Variants in PHAF1 observed in about 807,000 individuals in gnomAD.
PHAF1 encodes the protein phagophore assembly factor 1.
A neutral mutation model predicts 63.1 loss-of-function variants in PHAF1; 23 were observed. The observed-to-expected ratio is 0.36, with a 90% confidence interval of 0.26 to 0.52. The LOEUF is 0.52. PHAF1 is among the 20% of genes least tolerant of loss of function. The pLI is 0.93. For missense variants in PHAF1, 427 were observed against 517.2 expected (o/e 0.83, Z 1.69); for synonymous variants, 167 against 185.0 (o/e 0.90, Z 0.79).
At chr16:67,120,226 G>A (rs1442961797) in intron 2 of PHAF1, 32 bp downstream of exon 2, 3 of 1,585,812 alleles carry the variant, frequency 1.9e-6, no homozygotes, top group Non-Finnish European at 2.6e-6. Flanking sequence ...TATTGAAATA[G>A]CATCCCTCGG....
At chr16:67,137,148 CCTT>C (rs1263288244) in intron 8 of PHAF1, among the ~76,000 whole-genome samples, 4 of 151,134 alleles carry the variant, frequency 2.6e-5, no homozygotes, top group South Asian at 2.1e-4. Flanking sequence ...GAGCAAGACT[CCTT>C]CTCAAAAAAA....
At chr16:67,146,620 GACA>G (rs2030106157) in intron 15 of PHAF1, among the ~76,000 whole-genome samples, 1 of 152,228 alleles carries the variant, frequency 6.6e-6, no homozygotes, top group South Asian at 2.1e-4. Context: ...GTTTCTATCT[GACA>G]ACATGATTAT....
Position 67,147,109 on chromosome 16 carries a change from T to C in PHAF1, c.1247T>C (p.Leu416Pro), listed in dbSNP as rs991045600. The change falls in exon 16 of 16, where the codon CTG becomes CCG. Residue 416 changes from leucine (L) to proline (P), a missense_variant. By Grantham distance (98) the Leu-to-Pro change is moderately conservative. Transcript: ENST00000219139. ...LYGPPRPGSH[L>P]RTAELP ...GGCCCCCCCAGGCCTGGTAGCCACCTGAGAACAGCGGAACTCCCCTAGGGA... is the reference window on the plus strand; with the variant it reads ...GGCCCCCCCAGGCCTGGTAGCCACCCGAGAACAGCGGAACTCCCCTAGGGA... The C allele has an allele frequency of 6.2e-7, 1 of 1,613,686 alleles. No individual in the cohort carries two copies.
intron 8 of PHAF1, among the ~76,000 whole-genome samples, chr16:67,139,343 CT>C (rs1164245105): frequency 0.027 from 2,309 of 86,898 alleles, 21 homozygotes; most frequent in African/African-American, 0.095. Context: ...ACAGCACTGC[CT>C]TTTTTTTTTT....
At chr16:67,130,799 C>T (rs1963363327) in intron 3 of PHAF1, among the ~76,000 whole-genome samples, 1 of 152,122 alleles carries the variant, frequency 6.6e-6, no homozygotes, top group African/African-American at 2.4e-5. Flanking sequence ...GGTGTGTGCT[C>T]CAGCCTGACC....
chr16:67,139,122 A>T lies in PHAF1; in HGVS notation c.662-862A>T, dbSNP rs551745965. 1.3e-5 allele frequency among the ~76,000 whole-genome samples: 2 copies of T among 151,934 alleles called. 1 individual carries two copies. Among genetic ancestry groups the T allele is most frequent in the South Asian group, 4.1e-4 (2 of 4,824 alleles). The stretch of plus-strand genomic sequence containing the variant: ...TATTTTGTAGAGCCAGGGTTTCACC[A>T]TGTTGCCCAGGCTGGTCTTGAACGC... On this transcript the variant is annotated intron_variant, in intron 8 of 15. Coordinates refer to ENST00000219139, the MANE Select transcript of PHAF1 (RefSeq NM_025187.5).
intron 1 of PHAF1, among the ~76,000 whole-genome samples, chr16:67,118,801 G>T (rs565278231): frequency 2.3e-5 from 3 of 129,924 alleles, no homozygotes; most frequent in East Asian, 2.1e-4. Flanking sequence ...TTGAGATAGG[G>T]TCTTGTCTGT....
At chr16:67,142,410 T>C (rs1321489261) in intron 10 of PHAF1, among the ~76,000 whole-genome samples, 1 of 152,216 alleles carries the variant, frequency 6.6e-6, no homozygotes, top group Non-Finnish European at 1.5e-5. Flanking sequence ...CATCCCAGGC[T>C]TGAAGGTGGG....
intron 1 of PHAF1, among the ~76,000 whole-genome samples, chr16:67,115,674 G>A (rs1567637367): frequency 6.6e-6 from 1 of 152,226 alleles, no homozygotes; most frequent in Non-Finnish European, 1.5e-5. Context: ...CTGTTTCTTT[G>A]CCATTCATAT....
At position 67,131,296 on chromosome 16, in the gene PHAF1, T is replaced by G; in HGVS notation, c.242T>G (p.Val81Gly). The change falls in exon 4 of 16, where the codon GTA becomes GGA. Residue 81 changes from valine (V) to glycine (G), a missense_variant. Coordinates refer to ENST00000219139, the MANE Select transcript of PHAF1 (RefSeq NM_025187.5). ...AFNQRLKVIE[V>G]CDLTKVKLKY... is the part of the protein sequence containing the mutation. The stretch of plus-strand genomic sequence containing the variant: ...TAAACTTTTTTTTAGGTGATCGAAG[T>G]ATGTGATTTGACTAAAGTAAAGTTA... 6.3e-7 allele frequency: 1 copy of G among 1,596,368 alleles called. No homozygotes were observed. Among genetic ancestry groups the G allele is most frequent in the Non-Finnish European group, 8.5e-7 (1 of 1,171,754 alleles).
Position 67,147,090 on chromosome 16 carries a change from C to G in PHAF1, c.1228C>G (p.Pro410Ala). 1 of 1,614,112 alleles carries G rather than the reference C, an allele frequency of 6.2e-7. No homozygotes were observed. Among genetic ancestry groups the G allele is most frequent in the Non-Finnish European group, 8.5e-7 (1 of 1,179,996 alleles). The change falls in exon 16 of 16, where the codon CCC (proline) becomes GCC (alanine). Residue 410 changes from proline (P) to alanine (A), a missense_variant. Transcript: ENST00000219139. ...TGCCTCGGTGACCCTGTATGGCCCC[C>G]CCAGGCCTGGTAGCCACCTGAGAAC... Reference protein sequence around the residue: ...HIASVTLYGPPRPGSHLRTAE... With the variant: ...HIASVTLYGPARPGSHLRTAE...
At chr16:67,125,488 A>G (rs1011671275) in intron 2 of PHAF1, among the ~76,000 whole-genome samples, 2 of 152,320 alleles carry the variant, frequency 1.3e-5, no homozygotes, top group South Asian at 4.1e-4. Context: ...GGATGGTACA[A>G]ACAGCCTGAG....
intron 15 of PHAF1, among the ~76,000 whole-genome samples, chr16:67,146,601 G>T (rs79659792): frequency 1.3e-5 from 2 of 152,328 alleles, no homozygotes; most frequent in African/African-American, 4.8e-5. Flanking sequence ...GGGAGGTAAC[G>T]GATCCCAAGT....
chr16:67,145,593 G>C lies in PHAF1; in HGVS notation c.1074G>C (p.Leu358=). ...AGTGGGACAACATCCAGGAGCTCCT[G>C]GGCCACCCTGTGGAGAAGCCTGTTG... ...YSKWDNIQEL[L]GHPVEKPVVL... is the part of the protein sequence containing the mutation. Residue 358 remains leucine (L), a synonymous_variant, in exon 14 of 16, where the codon CTG becomes CTC. Coordinates refer to ENST00000219139, the MANE Select transcript of PHAF1 (RefSeq NM_025187.5). 6.2e-7 allele frequency: 1 copy of C among 1,613,994 alleles called. No homozygotes were observed. The highest frequency in any genetic ancestry group is 8.5e-7 in the Non-Finnish European group (1 of 1,179,956).
At chr16:67,114,749 A>G (rs565452718) in intron 1 of PHAF1, among the ~76,000 whole-genome samples, 1 of 152,296 alleles carries the variant, frequency 6.6e-6, no homozygotes, top group Non-Finnish European at 1.5e-5. Flanking sequence ...AATCTGTGCA[A>G]ATCTGTGGAA....
chr16:67,138,331 TG>T (rs1401060101), intron 8 of PHAF1, among the ~76,000 whole-genome samples: 1 of 152,168 alleles, frequency 6.6e-6, no homozygotes, highest in Non-Finnish European at 1.5e-5. Flanking sequence ...TAGAGATTCT[TG>T]GGTTAGTTGA....
rs1597214603 is a variant in PHAF1, at chr16:67,140,675, C to T, written c.879+81C>T. The T allele has an allele frequency of 1.0e-5, 11 of 1,101,062 alleles. No homozygotes were observed. In the East Asian group the frequency reaches 1.2e-4, roughly 12 times the overall value. 68.2% of individuals were successfully genotyped at this position (1,101,062 alleles called of 1,614,324 possible). A position where few individuals can be genotyped will look rare whatever the true frequency, so the allele number is the denominator to read the frequency against. The stretch of plus-strand genomic sequence containing the variant: ...CTTTGCAGATCTGTGTGTCCACATG[C>T]AGCTGGAACCATGCCTGGACATTGG... On this transcript the variant is annotated intron_variant, in intron 10 of 15. Coordinates refer to ENST00000219139, the MANE Select transcript of PHAF1 (RefSeq NM_025187.5).
Position 67,110,081 on chromosome 16 carries a change from G to A in PHAF1, c.-95G>A. On this transcript the variant is annotated 5_prime_UTR_variant, in exon 1 of 16. Coordinates refer to ENST00000219139, the MANE Select transcript of PHAF1 (RefSeq NM_025187.5). Reference sequence around the variant, plus strand: ...TGGAAAGCGGGGCTGTGGCGGGCCGGCGGGGGCGGCCTGTCAGCCGCTGCT... The same window carrying A: ...TGGAAAGCGGGGCTGTGGCGGGCCGACGGGGGCGGCCTGTCAGCCGCTGCT... 1 of 1,350,540 alleles carries A rather than the reference G, an allele frequency of 7.4e-7. No homozygotes were observed. The highest frequency in any genetic ancestry group is 1.0e-6 in the Non-Finnish European group (1 of 994,090). The allele number at this position is 1,350,540 out of a possible 1,614,324, so 83.7% of individuals were successfully genotyped here.
chr16:67,125,845 G>C lies in PHAF1; in HGVS notation c.148-114G>C, dbSNP rs73585066. On this transcript the variant is annotated intron_variant, in intron 2 of 15. Coordinates refer to ENST00000219139, the MANE Select transcript of PHAF1 (RefSeq NM_025187.5). Reference sequence around the variant, plus strand: ...CAAGCACCATTAGCTGGAGGAGAGAGGGACTGTCTGCACTTAGATATTCCT... The same window carrying C: ...CAAGCACCATTAGCTGGAGGAGAGACGGACTGTCTGCACTTAGATATTCCT... The C allele has an allele frequency of 3.6e-3, 2,674 of 748,894 alleles. 55 individuals are homozygous for C. The African/African-American group carries it at 0.042, about 12-fold the overall frequency. 46.4% of individuals were successfully genotyped at this position (748,894 alleles called of 1,614,324 possible).
Sources: allele counts gnomAD v4.1 joint callset (sites outside exome capture counted in the v4.1 genomes callset), GRCh38; gene constraint gnomAD v4.1.1; transcripts MANE v1.5; gene names NCBI Gene and HGNC (gene_info 2026-07-23, HGNC 2026-07-21).